Variants in CCDC88C observed in about 807,000 individuals in gnomAD.
The protein encoded by CCDC88C is protein Daple.
Under a neutral mutation model 198.8 loss-of-function variants are expected in CCDC88C, and 131 were observed. That is an observed-to-expected ratio of 0.66 (90% CI 0.57 to 0.76). The LOEUF is 0.76. Among genes scored for constraint, CCDC88C ranks in the 30% least tolerant of loss-of-function variants. CCDC88C has a pLI of 0.00. For synonymous variants in CCDC88C, 1,166 were observed against 1,114.7 expected (o/e 1.05, Z -0.92); for missense variants, 2,553 against 2,631.6 (o/e 0.97, Z 0.65).
chr14:91,408,483 A>C, intron 3 of CCDC88C, 176 bp downstream of exon 3: 1 of 608,210 alleles, frequency 1.6e-6, no homozygotes, highest in South Asian at 1.9e-5. Flanking sequence ...AAATCAACGC[A>C]CCATCTCATC....
At chr14:91,300,142 G>T in intron 20 of CCDC88C, 72 bp from the exon 21 acceptor site, 1 of 1,543,010 alleles carries the variant, frequency 6.5e-7, no homozygotes. Context: ...ACATCCCAGA[G>T]GATCTGCGTG....
At position 91,299,959 on chromosome 14, in the gene CCDC88C, G is replaced by T. The variant is rs1447097317; in HGVS notation, c.3747C>A (p.Gly1249=). 2 of 1,591,906 alleles carry T rather than the reference G, an allele frequency of 1.3e-6. No individual in the cohort carries two copies. Among genetic ancestry groups the T allele is most frequent in the Non-Finnish European group, 1.7e-6 (2 of 1,171,106 alleles). The part of the protein sequence containing the change: ...QEQRTNALAM[G]ENQRLRGELD... ...GCTCGCCCCGCAGCCTCTGGTTCTC[G>T]CCCATGGCGAGGGCGTTTGTCCTCT... Residue 1249 remains glycine, a synonymous_variant, in exon 21 of 30, where the codon GGC becomes GGA. Coordinates refer to ENST00000389857, the MANE Select transcript of CCDC88C (RefSeq NM_001080414.4).
At chr14:91,275,818 CTTTTTTTTT>C (rs34204634) in intron 29 of CCDC88C, among the ~76,000 whole-genome samples, 1 of 82,310 alleles carries the variant, frequency 1.2e-5, no homozygotes, top group Non-Finnish European at 2.2e-5. Flanking sequence ...ACCAGTGGTT[CTTTTTTTTT>C]TTTTTTTTTT....
At chr14:91,279,773 G>A (rs897564197) in intron 27 of CCDC88C, 1 of 152,738 alleles carries the variant, frequency 6.5e-6, no homozygotes, top group South Asian at 2.1e-4. Context: ...GTGCGCACAT[G>A]TAAGGGCACG....
chr14:91,301,209 G>C (rs1224437399), intron 20 of CCDC88C, among the ~76,000 whole-genome samples: 1 of 152,212 alleles, frequency 6.6e-6, no homozygotes, highest in Non-Finnish European at 1.5e-5. Flanking sequence ...TGTCAAATGA[G>C]AAGAAGAGAA....
rs1892553455 is a variant in CCDC88C at position 91,325,654 on chromosome 14, G to A, written c.1197+256C>T. 6.6e-6 allele frequency among the ~76,000 whole-genome samples: 1 copy of A among 152,082 alleles called. No homozygotes were observed. Among genetic ancestry groups the A allele is most frequent in the South Asian group, 2.1e-4 (1 of 4,816 alleles). ...TGCAATGGTGTGATCACGGCTCACT[G>A]CAGCCTCAACCTCCCAGGCTCAAGC... On this transcript the variant is annotated intron_variant, in intron 11 of 29. Transcript: ENST00000389857. This position sits in a 1 kb window ranked among gnomAD's most constrained non-coding sequence, Gnocchi z 4.1.
intron 3 of CCDC88C, among the ~76,000 whole-genome samples, chr14:91,360,498 C>A (rs149493435): frequency 5.3e-5 from 8 of 152,140 alleles, no homozygotes; most frequent in Non-Finnish European, 1.2e-4. Flanking sequence ...TGCTACTGAG[C>A]CTTTCTAATC....
intron 1 of CCDC88C, 181 bp from the exon 2 acceptor site, chr14:91,417,019 G>A (rs938789199): frequency 5.8e-6 from 4 of 691,122 alleles, no homozygotes; most frequent in South Asian, 3.1e-5. Context: ...TCCCCTCCCC[G>A]CGCGGGGCAA....
At position 91,338,123 on chromosome 14, in the gene CCDC88C, T is replaced by C. The variant is rs751049970; in HGVS notation, c.932A>G (p.Tyr311Cys). 6.8e-6 allele frequency: 11 copies of C among 1,613,808 alleles called. No individual in the cohort carries two copies. The highest frequency in any genetic ancestry group is 2.7e-5 in the African/African-American group (2 of 74,936). Residue 311 changes from tyrosine (Y) to cysteine (C), a missense_variant, in exon 10 of 30, where the codon TAT becomes TGT. By Grantham distance (194) the Tyr-to-Cys change is radical (BLOSUM62 -2). Coordinates refer to ENST00000389857, the MANE Select transcript of CCDC88C (RefSeq NM_001080414.4). The surrounding 1 kb of genome is among the most constrained non-coding windows in gnomAD (Gnocchi z 4.8). ...LAADARSARA[Y>C]RDELDSLREK... ...CCGCAGGGAATCCAGCTCGTCTCGA[T>C]AGGCACGAGCAGACCGGGCGTCTGC...
chr14:91,305,882 C>G lies in CCDC88C; in HGVS notation c.3240G>C (p.Leu1080=). The change falls in exon 19 of 30, where the codon CTG becomes CTC. Residue 1080 remains leucine (L), a synonymous_variant. Coordinates refer to ENST00000389857, the MANE Select transcript of CCDC88C (RefSeq NM_001080414.4). ...TCACGTTCTGGGTCTCCAGGTGCTG[C>G]AGCTGTTCCTTTAGCAGCTGCTTCT... ...QAEKQLLKEQ[L]QHLETQNVTF... 6.2e-7 allele frequency: 1 copy of G among 1,613,914 alleles called. No individual in the cohort carries two copies. The highest frequency in any genetic ancestry group is 8.5e-7 in the Non-Finnish European group (1 of 1,179,890).
At chr14:91,290,456 G>C (rs749784335) in intron 24 of CCDC88C, among the ~76,000 whole-genome samples, 1 of 152,222 alleles carries the variant, frequency 6.6e-6, no homozygotes, top group Admixed American at 6.5e-5. Context: ...CGTGGACAAG[G>C]GGCAGCACTG....
intron 4 of CCDC88C, among the ~76,000 whole-genome samples, chr14:91,347,109 CAAT>C (rs1893577573): frequency 6.6e-6 from 1 of 152,130 alleles, no homozygotes; most frequent in East Asian, 1.9e-4. Flanking sequence ...TGTCTTCCTA[CAAT>C]GAGACTCACT....
intron 4 of CCDC88C, among the ~76,000 whole-genome samples, chr14:91,355,150 T>C (rs1893984778): frequency 6.6e-6 from 1 of 151,966 alleles, no homozygotes; most frequent in Admixed American, 6.5e-5. Context: ...GACACTGCCC[T>C]GGGGAGCAGC....
chr14:91,405,271 G>A (rs1414510268), intron 3 of CCDC88C, among the ~76,000 whole-genome samples: 1 of 152,194 alleles, frequency 6.6e-6, no homozygotes, highest in African/African-American at 2.4e-5. Context: ...GAAGGGGACA[G>A]TTAGGGGCAC....
intron 25 of CCDC88C, 83 bp from the exon 26 acceptor site, chr14:91,283,600 G>A (rs531364925): frequency 1.5e-6 from 2 of 1,327,574 alleles, no homozygotes; most frequent in Admixed American, 2.2e-5. Flanking sequence ...CTAGAAGCAG[G>A]GCAGCAGGGC....
At chr14:91,399,443 GC>G (rs1245774055) in intron 3 of CCDC88C, among the ~76,000 whole-genome samples, 4 of 152,102 alleles carry the variant, frequency 2.6e-5, no homozygotes, top group Non-Finnish European at 5.9e-5. Context: ...TGCTGCCGTG[GC>G]CACAGTCCAG....
At chr14:91,375,809 T>TG (rs1329400068) in intron 3 of CCDC88C, among the ~76,000 whole-genome samples, 6 of 152,036 alleles carry the variant, frequency 3.9e-5, no homozygotes, top group Middle Eastern at 3.4e-3. Flanking sequence ...TCAGGGCGAG[T>TG]GGGGGGCAAA....
intron 3 of CCDC88C, among the ~76,000 whole-genome samples, chr14:91,372,894 G>A (rs889858295): frequency 1.2e-4 from 19 of 152,196 alleles, no homozygotes; most frequent in African/African-American, 2.7e-4. Context: ...TCAGGCCCCC[G>A]GAGGTGCTGG....
Position 91,381,892 on chromosome 14 carries a change from G to A in CCDC88C, c.271-22181C>T, listed in dbSNP as rs904085850. On this transcript the variant is annotated intron_variant, in intron 3 of 29. Coordinates refer to ENST00000389857, the MANE Select transcript of CCDC88C (RefSeq NM_001080414.4). The surrounding 1 kb of genome is among the most constrained non-coding windows in gnomAD (Gnocchi z 4.2). ...CAGCTCACTCCTCTCTCCAGTCCGA[G>A]CCCACCTCCCTGCCTCCTTCTTGAT... Among the ~76,000 whole-genome samples the A allele has an allele frequency of 6.6e-6, 1 of 152,054 alleles. No individual in the cohort carries two copies. Among genetic ancestry groups the A allele is most frequent in the Non-Finnish European group, 1.5e-5 (1 of 67,996 alleles).
Sources: gnomAD v4.1 joint callset for allele counts (sites outside exome capture counted in the v4.1 genomes callset) on GRCh38, gnomAD v4.1.1 for gene constraint, Gnocchi (gnomAD v3.1) non-coding constraint, MANE v1.5 for transcripts, NCBI Gene and HGNC (gene_info 2026-07-23, HGNC 2026-07-21) for gene names.